Variants in NUDT4 observed in about 807,000 individuals in gnomAD.
NUDT4 encodes the protein nudix hydrolase 4.
Under a neutral mutation model 23.1 loss-of-function variants are expected in NUDT4, and 5 were observed. The observed-to-expected ratio is 0.22, with a 90% confidence interval of 0.11 to 0.46. The LOEUF (loss-of-function observed/expected upper bound fraction) is 0.46, where lower values mean the gene tolerates loss of function less well. Among genes scored for constraint, NUDT4 ranks in the 20% least tolerant of loss-of-function variants. The pLI is 0.99. For missense variants in NUDT4, 96 were observed against 211.6 expected, an observed-to-expected ratio of 0.45 and a Z score of 3.39; for synonymous variants, 50 against 79.0, an observed-to-expected ratio of 0.63 and a Z score of 1.95.
Position 93,407,801 on chromosome 12 carries a change from C to T in NUDT4, c.*8422C>T, listed in dbSNP as rs1278499398. The stretch of plus-strand genomic sequence containing the variant: ...GTTTTCAACTGCTGCCTTGGCCTCT[C>T]CCAGAGCCCCTTAAGTCCTAAGAAG... On this transcript the variant is annotated 3_prime_UTR_variant, in exon 5 of 5. Coordinates refer to ENST00000415493, the MANE Select transcript of NUDT4 (RefSeq NM_019094.6). 2 of 152,224 alleles carry T rather than the reference C, an allele frequency of 1.3e-5. No homozygotes were observed. Among genetic ancestry groups the T allele is most frequent in the Non-Finnish European group, 2.9e-5 (2 of 68,044 alleles). The allele number at this position is 152,224 out of a possible 1,614,324, so 9.4% of individuals were successfully genotyped here. A position where few individuals can be genotyped will look rare whatever the true frequency, so the allele number is the denominator to read the frequency against.
chr12:93,394,999 C>T (rs1165105557), intron 2 of NUDT4, among the ~76,000 whole-genome samples: 1 of 152,074 alleles, frequency 6.6e-6, no homozygotes, highest in Non-Finnish European at 1.5e-5. Flanking sequence ...CAGGCACGTG[C>T]CACCGCGTCT....
chr12:93,396,749 C>T (rs946546571), intron 3 of NUDT4, among the ~76,000 whole-genome samples: 4 of 152,012 alleles, frequency 2.6e-5, no homozygotes, highest in African/African-American at 9.7e-5. Context: ...CCTGTCTCTA[C>T]TAAAAATACA....
chr12:93,398,871 T>G lies in NUDT4; in HGVS notation c.340+16T>G. On this transcript the variant is annotated intron_variant, in intron 4 of 4. Coordinates refer to ENST00000415493, the MANE Select transcript of NUDT4 (RefSeq NM_019094.6). ...GTTAATATTGGTAAGTTCCCTTTTG[T>G]TATCTGAATACTCTGTTCTAACAGA... is the stretch of plus-strand genomic sequence containing the variant. 7.1e-7 allele frequency: 1 copy of G among 1,414,240 alleles called. No individual in the cohort carries two copies. Among genetic ancestry groups the G allele is most frequent in the Non-Finnish European group, 1.0e-6 (1 of 1,001,444 alleles). The allele number at this position is 1,414,240 out of a possible 1,614,324, so 87.6% of individuals were successfully genotyped here. A position where few individuals can be genotyped will look rare whatever the true frequency, so the allele number is the denominator to read the frequency against.
chr12:93,383,280 G>C (rs961440607), intron 1 of NUDT4, among the ~76,000 whole-genome samples: 1 of 152,034 alleles, frequency 6.6e-6, no homozygotes, highest in Admixed American at 6.6e-5. Context: ...TGTTATTTCT[G>C]GTCTACTCTG....
chr12:93,381,818 C>T (rs1382730699), intron 1 of NUDT4, among the ~76,000 whole-genome samples: 1 of 152,202 alleles, frequency 6.6e-6, no homozygotes, highest in Non-Finnish European at 1.5e-5. Context: ...GAACAAAGAA[C>T]ATTGAGATAG....
At chr12:93,380,442 C>A (rs1486326410) in intron 1 of NUDT4, among the ~76,000 whole-genome samples, 2 of 152,094 alleles carry the variant, frequency 1.3e-5, no homozygotes, top group Admixed American at 1.3e-4. Flanking sequence ...AGTCAAGAGA[C>A]CCGTGTCATT....
rs919016743 is a variant in NUDT4 at position 93,404,757 on chromosome 12, T to C, written c.*5378T>C. 1 of 152,142 alleles carries C rather than the reference T, an allele frequency of 6.6e-6. No homozygotes were observed. The highest frequency in any genetic ancestry group is 1.5e-5 in the Non-Finnish European group (1 of 68,030). The allele number at this position is 152,142 out of a possible 1,614,324, so 9.4% of individuals were successfully genotyped here. On this transcript the variant is annotated 3_prime_UTR_variant, in exon 5 of 5. Coordinates refer to ENST00000415493, the MANE Select transcript of NUDT4 (RefSeq NM_019094.6). ...TCACTTAAAATGAGGTTGTACAGAT[T>C]GTAGATTTTGTTTTTAAACGCCTGT...
chr12:93,381,665 G>C (rs1875669570), intron 1 of NUDT4, among the ~76,000 whole-genome samples: 1 of 152,190 alleles, frequency 6.6e-6, no homozygotes, highest in African/African-American at 2.4e-5. Flanking sequence ...GTCCCAAATA[G>C]AGCAAGACTT....
intron 1 of NUDT4, among the ~76,000 whole-genome samples, chr12:93,389,152 C>T (rs1876307876): frequency 2.0e-5 from 3 of 151,946 alleles, no homozygotes; most frequent in Admixed American, 1.3e-4. Flanking sequence ...GATAATTACT[C>T]ATTTAAATTT....
chr12:93,380,724 T>A (rs1875600605), intron 1 of NUDT4, among the ~76,000 whole-genome samples: 1 of 152,226 alleles, frequency 6.6e-6, no homozygotes, highest in African/African-American at 2.4e-5. Context: ...ATAAACTCTG[T>A]TAGCTTTCCT....
In NUDT4 at chr12:93,404,381, G is replaced by A. The variant is rs1310447977; in HGVS notation, c.*5002G>A. On this transcript the variant is annotated 3_prime_UTR_variant, in exon 5 of 5. Coordinates refer to ENST00000415493, the MANE Select transcript of NUDT4 (RefSeq NM_019094.6). ...AGAAATGACATTTGCGTAAGGATCT[G>A]AGTGGAAACTGATACAGCCTGTCGG... The A allele has an allele frequency of 2.0e-5, 3 of 152,218 alleles. No individual in the cohort carries two copies. Among genetic ancestry groups the A allele is most frequent in the Non-Finnish European group, 1.5e-5 (1 of 68,040 alleles). The allele number at this position is 152,218 out of a possible 1,614,324, so 9.4% of individuals were successfully genotyped here.
chr12:93,378,512 CG>C, intron 1 of NUDT4, 91 bp downstream of exon 1: 1 of 1,350,154 alleles, frequency 7.4e-7, no homozygotes. Flanking sequence ...GCGCAGGCTG[CG>C]GGGCTGGGAG....
chr12:93,381,796 G>C (rs1875679691), intron 1 of NUDT4, among the ~76,000 whole-genome samples: 1 of 152,206 alleles, frequency 6.6e-6, no homozygotes, highest in Admixed American at 6.5e-5. Context: ...GTTTTGTTTT[G>C]AACTTAGTTT....
chr12:93,385,949 A>T (rs867450421), intron 1 of NUDT4, among the ~76,000 whole-genome samples: 3,009 of 131,344 alleles, frequency 0.023, 97 homozygotes, highest in Middle Eastern at 0.087. Context: ...TTTTATATAT[A>T]TATATATATA....
At chr12:93,392,157 A>G (rs1055741595) in intron 1 of NUDT4, among the ~76,000 whole-genome samples, 2 of 151,294 alleles carry the variant, frequency 1.3e-5, no homozygotes, top group African/African-American at 2.4e-5. Context: ...TGCTGGGATT[A>G]TAGGCATGAG....
At chr12:93,391,214 G>T (rs1053770273) in intron 1 of NUDT4, among the ~76,000 whole-genome samples, 1 of 151,938 alleles carries the variant, frequency 6.6e-6, no homozygotes, top group Non-Finnish European at 1.5e-5. Flanking sequence ...GATCACTTGA[G>T]CCCATGGTTT....
Position 93,393,618 on chromosome 12 carries a change from T to G in NUDT4, c.100-991T>G, listed in dbSNP as rs574446608. Among the ~76,000 whole-genome samples the G allele has an allele frequency of 2.3e-4, 35 of 152,314 alleles. No homozygotes were observed. The South Asian group carries it at 7.2e-3, about 32-fold the overall frequency. ...TGGACACTGAAATTTGAATTTCACA[T>G]AATTTTAAAATGTAAAAATACTTCT... On this transcript the variant is annotated intron_variant, in intron 1 of 4. Transcript: ENST00000415493.
intron 1 of NUDT4, among the ~76,000 whole-genome samples, chr12:93,387,283 T>A (rs1344090100): frequency 6.6e-6 from 1 of 152,202 alleles, no homozygotes; most frequent in Non-Finnish European, 1.5e-5. Flanking sequence ...CAAGCTGAAT[T>A]GCTTTAGTAG....
intron 3 of NUDT4, 77 bp downstream of exon 3, chr12:93,395,610 G>A (rs776327578): frequency 8.4e-5 from 97 of 1,158,118 alleles, no homozygotes; most frequent in Non-Finnish European, 1.2e-4. Flanking sequence ...TAATGTGGCA[G>A]CAGCCTGAAC....
Sources: gnomAD v4.1 joint callset for allele counts (sites outside exome capture counted in the v4.1 genomes callset) on GRCh38, gnomAD v4.1.1 for gene constraint, MANE v1.5 for transcripts, NCBI Gene and HGNC (gene_info 2026-07-23, HGNC 2026-07-21) for gene names.